The following LHFPL3 variants were observed in gnomAD, a reference collection of about 807,000 sequenced individuals.
LHFPL3 encodes LHFPL tetraspan subfamily member 3 protein.
A neutral mutation model predicts 19.3 loss-of-function variants in LHFPL3; 5 were observed. The ratio of observed to expected loss-of-function variants is 0.26; its 90% CI spans 0.14 to 0.54. LHFPL3 has a LOEUF of 0.54. LHFPL3 is among the 20% of genes least tolerant of loss of function. The pLI is 0.94. For missense variants in LHFPL3, 249 were observed against 307.4 expected (o/e 0.81, Z 1.42); for synonymous variants, 133 against 126.2 (o/e 1.05, Z -0.36).
chr7:104,466,592 A>G (rs1215038841), intron 1 of LHFPL3, among the ~76,000 whole-genome samples: 5 of 152,186 alleles, frequency 3.3e-5, no homozygotes, highest in African/African-American at 2.4e-5. Context: ...TATTGTTGTC[A>G]GGCCTGGTTC....
chr7:104,337,832 A>G (rs1305111945), intron 1 of LHFPL3, among the ~76,000 whole-genome samples: 1 of 152,206 alleles, frequency 6.6e-6, no homozygotes, highest in African/African-American at 2.4e-5. Context: ...GATCTGTGTG[A>G]TGCCAAATAT....
At chr7:104,861,220 C>T (rs1167565818) in intron 2 of LHFPL3, among the ~76,000 whole-genome samples, 2 of 152,094 alleles carry the variant, frequency 1.3e-5, no homozygotes, top group African/African-American at 4.8e-5. Context: ...GTTTCAAAAA[C>T]ATTTTGCCCC....
At chr7:104,906,035 T>C (rs771150484) in intron 2 of LHFPL3, among the ~76,000 whole-genome samples, 152 bp from the exon 3 acceptor site, 1 of 152,242 alleles carries the variant, frequency 6.6e-6, no homozygotes, top group African/African-American at 2.4e-5. Flanking sequence ...CTTTCCAGTA[T>C]TGTTTGGTAA....
chr7:104,829,780 A>G (rs932347356), intron 2 of LHFPL3, among the ~76,000 whole-genome samples: 4 of 152,058 alleles, frequency 2.6e-5, no homozygotes, highest in East Asian at 1.9e-4. Flanking sequence ...GAATAGTGCC[A>G]CGATAAACAT....
At chr7:104,329,500 G>T (rs958920497) in intron 1 of LHFPL3, among the ~76,000 whole-genome samples, 1 of 152,258 alleles carries the variant, frequency 6.6e-6, no homozygotes, top group African/African-American at 2.4e-5. Context: ...GGCGGTTGTG[G>T]GGCCGAGTCC....
At chr7:104,693,387 A>C (rs1043251146) in intron 1 of LHFPL3, among the ~76,000 whole-genome samples, 3 of 152,160 alleles carry the variant, frequency 2.0e-5, no homozygotes, top group Non-Finnish European at 4.4e-5. Flanking sequence ...CCAGGGCAGA[A>C]TGATATGGTT....
intron 1 of LHFPL3, chr7:104,668,796 C>T: frequency 1.2e-6 from 2 of 1,609,118 alleles, no homozygotes; most frequent in Non-Finnish European, 1.7e-6. Context: ...GCTAGTAACT[C>T]CCAGTCCACT....
At chr7:104,553,686 G>T (rs1211538030) in intron 1 of LHFPL3, among the ~76,000 whole-genome samples, 1 of 152,110 alleles carries the variant, frequency 6.6e-6, no homozygotes. Context: ...GAGCCTTAAG[G>T]CAACTTACAG....
At chr7:104,552,321 G>C (rs1451285203) in intron 1 of LHFPL3, among the ~76,000 whole-genome samples, 2 of 152,180 alleles carry the variant, frequency 1.3e-5, no homozygotes, top group Non-Finnish European at 2.9e-5. Context: ...AGCTCAACGT[G>C]AGCAGGAATG....
chr7:104,732,194 T>C (rs1793717490), intron 1 of LHFPL3, among the ~76,000 whole-genome samples: 1 of 152,180 alleles, frequency 6.6e-6, no homozygotes. Context: ...TCTTTTTTGG[T>C]TGTGTCCCTG....
intron 1 of LHFPL3, among the ~76,000 whole-genome samples, chr7:104,450,946 G>A (rs1792425483): frequency 6.6e-6 from 1 of 152,146 alleles, no homozygotes; most frequent in Non-Finnish European, 1.5e-5. Context: ...AATCAACAAA[G>A]CAGAGTGGAA....
At chr7:104,716,965 A>G (rs1793399116) in intron 1 of LHFPL3, among the ~76,000 whole-genome samples, 1 of 152,216 alleles carries the variant, frequency 6.6e-6, no homozygotes, top group South Asian at 2.1e-4. Context: ...ATACTGACAT[A>G]AAGACAGACA....
intron 1 of LHFPL3, among the ~76,000 whole-genome samples, chr7:104,379,803 A>G (rs1306297171): frequency 2.6e-5 from 4 of 152,206 alleles, no homozygotes; most frequent in African/African-American, 9.6e-5. Context: ...AGAGGAAGCA[A>G]TGGATGTGGC....
chr7:104,873,485 C>T lies in LHFPL3; in HGVS notation c.683-32702C>T, dbSNP rs989080341. ...AAAATAAAAAATAAAATTAGCCAGGCGTGCGGTAGCACTACACCGGTTATC... is the reference window on the plus strand; with the variant it reads ...AAAATAAAAAATAAAATTAGCCAGGTGTGCGGTAGCACTACACCGGTTATC... On this transcript the variant is annotated intron_variant, in intron 2 of 2. Transcript: ENST00000424859. Among the ~76,000 whole-genome samples, 7 of 127,610 alleles carry T rather than the reference C, an allele frequency of 5.5e-5. 1 individual carries two copies. The highest frequency in any genetic ancestry group is 2.4e-4 in the Admixed American group (3 of 12,444). 83.7% of individuals were successfully genotyped at this position (127,610 alleles called of 152,430 possible).
chr7:104,792,353 A>G (rs180846502), intron 2 of LHFPL3, among the ~76,000 whole-genome samples: 4 of 152,356 alleles, frequency 2.6e-5, no homozygotes, highest in African/African-American at 9.6e-5. Flanking sequence ...AGCCATAGCA[A>G]GTGTCTCACC....
At chr7:104,524,696 G>A (rs573630162) in intron 1 of LHFPL3, among the ~76,000 whole-genome samples, 10 of 152,216 alleles carry the variant, frequency 6.6e-5, no homozygotes, top group Non-Finnish European at 8.8e-5. Context: ...CACTAATTAC[G>A]ATGCTACTTT....
intron 2 of LHFPL3, among the ~76,000 whole-genome samples, chr7:104,831,569 C>T (rs1790954161): frequency 6.6e-6 from 1 of 151,892 alleles, no homozygotes; most frequent in African/African-American, 2.4e-5. Context: ...CTCACCCACC[C>T]CTTCTTTACC....
At chr7:104,813,436 TG>T (rs1350986045) in intron 2 of LHFPL3, among the ~76,000 whole-genome samples, 1 of 152,244 alleles carries the variant, frequency 6.6e-6, no homozygotes, top group Non-Finnish European at 1.5e-5. Context: ...ACCATTTTTC[TG>T]GTCGGAAAAC....
At chr7:104,641,565 A>G (rs1791834466) in intron 1 of LHFPL3, among the ~76,000 whole-genome samples, 1 of 152,216 alleles carries the variant, frequency 6.6e-6, no homozygotes, top group Non-Finnish European at 1.5e-5. Context: ...GTATTTGAGT[A>G]TACACTTCCC....
Sources: allele counts gnomAD v4.1 joint callset (sites outside exome capture counted in the v4.1 genomes callset), GRCh38; gene constraint gnomAD v4.1.1; transcripts MANE v1.5; gene names NCBI Gene and HGNC (gene_info 2026-07-23, HGNC 2026-07-21).